Variants in CAMK2B observed in about 807,000 individuals in gnomAD.
CAMK2B encodes the protein calcium/calmodulin-dependent protein kinase type II subunit beta.
A neutral mutation model predicts 93.7 loss-of-function variants in CAMK2B; 27 were observed. The ratio of observed to expected loss-of-function variants is 0.29; its 90% CI spans 0.21 to 0.40. The LOEUF is 0.40. CAMK2B is among the 10% of genes least tolerant of loss of function. CAMK2B has a pLI of 1.00. For missense variants in CAMK2B, 568 were observed against 895.8 expected (o/e 0.63, Z 4.67); for synonymous variants, 374 against 358.8 (o/e 1.04, Z -0.48).
At chr7:44,242,531 G>A (rs2096690223) in intron 9 of CAMK2B, 29 bp downstream of exon 9, 2 of 1,569,860 alleles carry the variant, frequency 1.3e-6, no homozygotes, top group South Asian at 2.2e-5. Flanking sequence ...GAGGAAGGGA[G>A]CTCATCAGAG....
At chr7:44,322,320 TG>T (rs1395410268) in intron 1 of CAMK2B, among the ~76,000 whole-genome samples, 3 of 152,180 alleles carry the variant, frequency 2.0e-5, no homozygotes, top group African/African-American at 7.2e-5. Context: ...CGAAAGAGCC[TG>T]GGAGGAAAAA....
At chr7:44,269,451 G>A (rs2096952273) in intron 2 of CAMK2B, among the ~76,000 whole-genome samples, 2 of 152,202 alleles carry the variant, frequency 1.3e-5, no homozygotes. Flanking sequence ...AGGGGTCCGG[G>A]ATGGAGCTGG....
chr7:44,289,734 T>C (rs938182836), intron 1 of CAMK2B, among the ~76,000 whole-genome samples: 5 of 152,190 alleles, frequency 3.3e-5, no homozygotes, highest in East Asian at 1.9e-4. Context: ...CAGGACAGCA[T>C]AGGCAGGGAC....
chr7:44,274,493 C>T (rs529276316), intron 2 of CAMK2B, among the ~76,000 whole-genome samples: 26 of 152,336 alleles, frequency 1.7e-4, no homozygotes, highest in East Asian at 7.7e-4. Flanking sequence ...GCCTCAAACC[C>T]GCACCTTTCG....
intron 1 of CAMK2B, among the ~76,000 whole-genome samples, chr7:44,310,096 G>A (rs1793131054): frequency 6.6e-6 from 1 of 152,278 alleles, no homozygotes; most frequent in South Asian, 2.1e-4. Flanking sequence ...CGCTTTGGGA[G>A]TTAGGATACG....
intron 1 of CAMK2B, among the ~76,000 whole-genome samples, chr7:44,290,424 C>T (rs942151927): frequency 6.6e-5 from 10 of 152,230 alleles, no homozygotes; most frequent in East Asian, 3.8e-4. Context: ...ACTCTCAGGC[C>T]GACAGCTTTA....
chr7:44,249,603 T>C (rs2096761010), intron 5 of CAMK2B, among the ~76,000 whole-genome samples: 1 of 152,174 alleles, frequency 6.6e-6, no homozygotes, highest in African/African-American at 2.4e-5. Flanking sequence ...CCCTGAGGGC[T>C]GGACTTTCCT....
chr7:44,283,232 T>A (rs1000161942), intron 2 of CAMK2B, among the ~76,000 whole-genome samples: 1 of 152,254 alleles, frequency 6.6e-6, no homozygotes, highest in Non-Finnish European at 1.5e-5. Flanking sequence ...CTGCCCATCA[T>A]CATCAGATTT....
intron 2 of CAMK2B, among the ~76,000 whole-genome samples, chr7:44,274,001 A>T (rs1209761137): frequency 6.6e-6 from 1 of 152,178 alleles, no homozygotes; most frequent in Non-Finnish European, 1.5e-5. Context: ...AGTGGCCAGC[A>T]GTCCCGCACA....
chr7:44,262,089 G>T (rs113037182), intron 3 of CAMK2B, among the ~76,000 whole-genome samples: 411 of 152,336 alleles, frequency 2.7e-3, no homozygotes, highest in South Asian at 5.4e-3. Flanking sequence ...GAGGCGAGGT[G>T]GTTCCAGCCC....
chr7:44,257,636 C>T (rs1190122454), intron 4 of CAMK2B, among the ~76,000 whole-genome samples: 1 of 152,254 alleles, frequency 6.6e-6, no homozygotes, highest in East Asian at 1.9e-4. Context: ...TTTCAGGACA[C>T]AGCCTCAGCC....
chr7:44,269,994 C>T (rs754473628), intron 2 of CAMK2B, among the ~76,000 whole-genome samples: 1 of 152,086 alleles, frequency 6.6e-6, no homozygotes, highest in African/African-American at 2.4e-5. Context: ...GTATCTGGCC[C>T]CAGGACTGTG....
chr7:44,292,495 A>G (rs1037026320), intron 1 of CAMK2B, among the ~76,000 whole-genome samples: 4 of 152,188 alleles, frequency 2.6e-5, no homozygotes, highest in African/African-American at 7.2e-5. Flanking sequence ...CTCCTCAAAC[A>G]TAAGCTTCAT....
intron 1 of CAMK2B, among the ~76,000 whole-genome samples, chr7:44,289,107 GC>G (rs974291991): frequency 1.3e-5 from 2 of 151,988 alleles, no homozygotes; most frequent in African/African-American, 2.4e-5. Flanking sequence ...GCTCTGAGCT[GC>G]CCCCCCAACC....
intron 1 of CAMK2B, among the ~76,000 whole-genome samples, chr7:44,293,416 A>G (rs948368857): frequency 6.6e-6 from 1 of 152,138 alleles, no homozygotes; most frequent in African/African-American, 2.4e-5. Context: ...ACATTTTCAC[A>G]TGGGTTAACG....
At chr7:44,323,579 C>T (rs1033371697) in intron 1 of CAMK2B, among the ~76,000 whole-genome samples, 11 of 152,272 alleles carry the variant, frequency 7.2e-5, no homozygotes, top group African/African-American at 2.6e-4. Flanking sequence ...CAGGGAGGCT[C>T]GCAGCAAAGG....
intron 1 of CAMK2B, among the ~76,000 whole-genome samples, chr7:44,299,447 A>G (rs1407726808): frequency 6.6e-6 from 1 of 152,212 alleles, no homozygotes; most frequent in Non-Finnish European, 1.5e-5. Flanking sequence ...AATTTCGGAC[A>G]ATGATGGTGG....
At chr7:44,310,687 A>G (rs1438435242) in intron 1 of CAMK2B, among the ~76,000 whole-genome samples, 1 of 152,238 alleles carries the variant, frequency 6.6e-6, no homozygotes, top group Non-Finnish European at 1.5e-5. Flanking sequence ...CATTATGCTC[A>G]TTGAAACAAG....
intron 2 of CAMK2B, among the ~76,000 whole-genome samples, chr7:44,275,115 G>A (rs754051908): frequency 3.5e-4 from 54 of 152,314 alleles, no homozygotes; most frequent in Admixed American, 2.7e-3. Flanking sequence ...GGGGTCCTCC[G>A]TGACAACTCC....
Sources: gnomAD v4.1 joint callset for allele counts (sites outside exome capture counted in the v4.1 genomes callset) on GRCh38, gnomAD v4.1.1 for gene constraint, MANE v1.5 for transcripts, NCBI Gene and HGNC (gene_info 2026-07-23, HGNC 2026-07-21) for gene names.